Variants in LARGE1 observed in about 807,000 individuals in gnomAD.
LARGE1 encodes the protein LARGE xylosyl- and glucuronyltransferase 1.
In LARGE1, 43 loss-of-function variants were observed where a neutral mutation model predicts 87.6. The observed-to-expected ratio is 0.49, with a 90% CI of 0.38 to 0.63. The LOEUF is 0.63. LARGE1 is among the 30% of genes least tolerant of loss of function. The pLI is 0.00. For missense variants in LARGE1, 802 were observed against 1,000.2 expected (o/e 0.80, Z 2.67); for synonymous variants, 434 against 394.6 (o/e 1.10, Z -1.18).
intron 9 of LARGE1, among the ~76,000 whole-genome samples, chr22:33,375,023 G>A (rs1360068173): frequency 2.0e-5 from 3 of 152,036 alleles, no homozygotes; most frequent in African/African-American, 4.8e-5. Context: ...TAAGATCAAT[G>A]GACTAAATGC....
intron 6 of LARGE1, among the ~76,000 whole-genome samples, chr22:33,450,854 AAATT>A (rs2067887005): frequency 6.6e-6 from 1 of 152,166 alleles, no homozygotes; most frequent in South Asian, 2.1e-4. Flanking sequence ...AAGGTTGCTG[AAATT>A]AATAGCTAGA....
At chr22:33,580,709 C>T (rs1569287970) in intron 5 of LARGE1, among the ~76,000 whole-genome samples, 1 of 152,132 alleles carries the variant, frequency 6.6e-6, no homozygotes, top group Non-Finnish European at 1.5e-5. Context: ...AATAGCAGCA[C>T]ATTAATAATA....
At chr22:33,697,853 G>C (rs980268078) in intron 2 of LARGE1, among the ~76,000 whole-genome samples, 1 of 152,104 alleles carries the variant, frequency 6.6e-6, no homozygotes, top group Non-Finnish European at 1.5e-5. Context: ...TCCTTGCCTG[G>C]GTGAGTTAAA....
At chr22:33,302,471 A>C (rs1934286222) in intron 12 of LARGE1, among the ~76,000 whole-genome samples, 1 of 152,180 alleles carries the variant, frequency 6.6e-6, no homozygotes, top group South Asian at 2.1e-4. Flanking sequence ...CCCTGGAAGG[A>C]CACGGACTCA....
intron 6 of LARGE1, among the ~76,000 whole-genome samples, chr22:33,533,397 TA>T (rs1461769619): frequency 4.6e-5 from 7 of 152,166 alleles, no homozygotes; most frequent in African/African-American, 1.7e-4. Flanking sequence ...TTTTTTCAAT[TA>T]GCTAGACAAT....
chr22:33,124,296 C>T, the LARGE1 span, among the ~76,000 whole-genome samples: 8 of 140,120 alleles, frequency 5.7e-5, no homozygotes, highest in South Asian at 1.6e-3. Context: ...GAACAAGACT[C>T]CATCTCAAAA....
At chr22:33,096,304 T>C in the LARGE1 span, among the ~76,000 whole-genome samples, 1 of 151,078 alleles carries the variant, frequency 6.6e-6, no homozygotes, top group East Asian at 2.0e-4. Context: ...TAATCCCAGC[T>C]ACTCTGGAGG....
At chr22:33,302,551 C>T (rs1201059664) in intron 12 of LARGE1, among the ~76,000 whole-genome samples, 3 of 152,152 alleles carry the variant, frequency 2.0e-5, no homozygotes, top group Non-Finnish European at 4.4e-5. Flanking sequence ...GGTATGCAGG[C>T]TAAACCTACG....
intron 4 of LARGE1, among the ~76,000 whole-genome samples, chr22:33,623,264 C>T (rs142070469): frequency 7.3e-4 from 111 of 151,946 alleles, no homozygotes; most frequent in African/African-American, 2.6e-3. Flanking sequence ...GGTTTTAAGC[C>T]ACAGGATGAA....
intron 1 of LARGE1, among the ~76,000 whole-genome samples, chr22:33,786,678 G>T (rs1346044469): frequency 1.3e-5 from 2 of 152,118 alleles, no homozygotes; most frequent in African/African-American, 4.8e-5. Flanking sequence ...TCCTTGAAGA[G>T]CCTTCCTCAG....
At chr22:33,813,549 T>C (rs1018647344) in intron 1 of LARGE1, among the ~76,000 whole-genome samples, 2 of 152,074 alleles carry the variant, frequency 1.3e-5, no homozygotes, top group South Asian at 2.1e-4. Context: ...TTCAGAAATG[T>C]TGAAGTCTTA....
the LARGE1 span, among the ~76,000 whole-genome samples, chr22:33,072,999 C>T: frequency 6.6e-6 from 1 of 152,088 alleles, no homozygotes; most frequent in South Asian, 2.1e-4. Context: ...TTCCTGCGGC[C>T]GTCTCGAGGG....
intron 1 of LARGE1, among the ~76,000 whole-genome samples, chr22:33,782,632 C>T (rs1018615068): frequency 2.6e-5 from 4 of 151,946 alleles, no homozygotes; most frequent in East Asian, 1.9e-4. Context: ...TTTGGGAGGC[C>T]GAGGCGGGCG....
Position 33,907,661 on chromosome 22 carries a change from G to A in LARGE1, c.-83+12334C>T, listed in dbSNP as rs537324526. 2.0e-5 allele frequency among the ~76,000 whole-genome samples: 3 copies of A among 151,782 alleles called. No homozygotes were observed. The South Asian group carries it at 6.3e-4, about 32-fold the overall frequency. ...CGGCTCACTGCAACCTCCGCCTCCC[G>A]GGTTCACACCATTCTCCTGCCTCAG... On this transcript the variant is annotated intron_variant, in intron 1 of 14. Coordinates refer to ENST00000397394, the MANE Select transcript of LARGE1 (RefSeq NM_133642.5).
chr22:33,749,623 C>T (rs2084235944), intron 2 of LARGE1, among the ~76,000 whole-genome samples: 1 of 152,192 alleles, frequency 6.6e-6, no homozygotes, highest in African/African-American at 2.4e-5. Flanking sequence ...TGTAAGCCAG[C>T]CTAGATGACT....
the LARGE1 span, among the ~76,000 whole-genome samples, chr22:33,109,837 C>T: frequency 2.0e-5 from 3 of 152,116 alleles, no homozygotes; most frequent in Admixed American, 1.3e-4. Context: ...CTTGCTCCCG[C>T]TCTTGCCATG....
chr22:33,786,233 T>A (rs1462311150), intron 1 of LARGE1, among the ~76,000 whole-genome samples: 1 of 152,232 alleles, frequency 6.6e-6, no homozygotes, highest in African/African-American at 2.4e-5. Context: ...CTCTTATTTT[T>A]ACTATACATT....
intron 6 of LARGE1, among the ~76,000 whole-genome samples, chr22:33,457,749 T>C (rs2068199410): frequency 1.3e-5 from 2 of 152,208 alleles, no homozygotes; most frequent in African/African-American, 4.8e-5. Context: ...AGCATTTGTG[T>C]TGGGTCTTAA....
intron 7 of LARGE1, among the ~76,000 whole-genome samples, chr22:33,387,749 C>A (rs2065378990): frequency 6.6e-6 from 1 of 152,182 alleles, no homozygotes; most frequent in Non-Finnish European, 1.5e-5. Flanking sequence ...GGATCATCCT[C>A]CCTGTTAGCC....
Sources: gnomAD v4.1 joint callset for allele counts (sites outside exome capture counted in the v4.1 genomes callset) on GRCh38, gnomAD v4.1.1 for gene constraint, MANE v1.5 for transcripts, NCBI Gene and HGNC (gene_info 2026-07-23, HGNC 2026-07-21) for gene names.